Variants in HK1 observed in about 807,000 individuals in gnomAD.
HK1 encodes hexokinase-1.
A neutral mutation model predicts 91.6 loss-of-function variants in HK1; 28 were observed. The ratio of observed to expected loss-of-function variants is 0.31; its 90% confidence interval spans 0.23 to 0.42. The LOEUF (loss-of-function observed/expected upper bound fraction) is 0.42. Ranked by LOEUF, HK1 falls within the 10% of genes least tolerant of loss-of-function variation. The pLI, the probability that HK1 is intolerant of heterozygous loss-of-function variation, is 1.00. For synonymous variants in HK1, 430 were observed against 468.1 expected, an observed-to-expected ratio of 0.92 and a Z score of 1.05; for missense variants, 770 against 1,219.8, an observed-to-expected ratio of 0.63 and a Z score of 5.49.
chr10:69,322,485 G>C lies in HK1; in HGVS notation c.63+3475G>C, dbSNP rs181827315. On this transcript the variant is annotated intron_variant, in intron 1 of 17. Transcript: ENST00000359426. ...AATGGCCGAACTCAGGAGTCCTTGA[G>C]TACTTGACCCAGGAAGACAGGGGAG... is the stretch of plus-strand genomic sequence containing the variant. Among the ~76,000 whole-genome samples the C allele has an allele frequency of 2.2e-3, 331 of 152,312 alleles. 3 individuals carry two copies. The highest frequency in any genetic ancestry group is 7.8e-3 in the African/African-American group (326 of 41,560).
chr10:69,373,826 G>A (rs1191298457), intron 7 of HK1, among the ~76,000 whole-genome samples: 1 of 152,110 alleles, frequency 6.6e-6, no homozygotes, highest in African/African-American at 2.4e-5. Context: ...CTGGGCTCAG[G>A]TGATCCTCCT....
chr10:69,401,687 C>T lies in HK1; in HGVS notation c.*552C>T, dbSNP rs529131764. The T allele has an allele frequency of 1.3e-5, 4 of 297,936 alleles. No individual in the cohort carries two copies. The highest frequency in any genetic ancestry group is 1.1e-4 in the East Asian group (1 of 9,102). The allele number at this position is 297,936 out of a possible 1,614,324, so 18.5% of individuals were successfully genotyped here. Reference sequence around the variant, plus strand: ...TGTCAATGCCACAAAATCGTGTGTCCGTGGAACCAGTCCTAGCCGCGTGTG... The same window carrying T: ...TGTCAATGCCACAAAATCGTGTGTCTGTGGAACCAGTCCTAGCCGCGTGTG... On this transcript the variant is annotated 3_prime_UTR_variant, in exon 18 of 18. Transcript: ENST00000359426.
intron 5 of HK1, among the ~76,000 whole-genome samples, chr10:69,301,799 T>C (rs1360961462): frequency 1.3e-5 from 2 of 152,144 alleles, no homozygotes; most frequent in East Asian, 1.9e-4. Context: ...AATTAATATA[T>C]AGATTCAACC....
chr10:69,384,223 TCTA>T lies in HK1; in HGVS notation c.1571-109_1571-107del, dbSNP rs1839524692. Reference sequence around the variant, plus strand: ...TAAAGGGAGGAGTTGCAGCTTCTCCTCTATGTTTGCTATGGGGTTCTCCCCTTG... The same window carrying T: ...TAAAGGGAGGAGTTGCAGCTTCTCCTTGTTTGCTATGGGGTTCTCCCCTTG... On this transcript the variant is annotated intron_variant, in intron 10 of 17. Transcript: ENST00000359426. The T allele has an allele frequency of 3.0e-6, 4 of 1,316,232 alleles. No individual in the cohort carries two copies. The African/African-American group carries it at 5.8e-5, about 19-fold the overall frequency. 81.5% of individuals were successfully genotyped at this position (1,316,232 alleles called of 1,614,324 possible). A position where few individuals can be genotyped will look rare whatever the true frequency, so the allele number is the denominator to read the frequency against.
In HK1 at chr10:69,369,160, C is replaced by A; in HGVS notation, c.592-77C>A. On this transcript the variant is annotated intron_variant, in intron 5 of 17. Coordinates refer to ENST00000359426, the MANE Select transcript of HK1 (RefSeq NM_000188.3). This position sits in a 1 kb window ranked among gnomAD's most constrained non-coding sequence, Gnocchi z 4.4. ...AGGGGTTCTGAAAACGGGAGCACTTCTGCCAAGCGCTGTTAAGGTGTGTGA... is the reference window on the plus strand; with the variant it reads ...AGGGGTTCTGAAAACGGGAGCACTTATGCCAAGCGCTGTTAAGGTGTGTGA... 9.2e-7 allele frequency: 1 copy of A among 1,091,298 alleles called. No individual in the cohort carries two copies. The highest frequency in any genetic ancestry group is 1.4e-6 in the Non-Finnish European group (1 of 710,586). The allele number at this position is 1,091,298 out of a possible 1,614,324, so 67.6% of individuals were successfully genotyped here.
At chr10:69,384,711 G>A (rs1839549422) in intron 11 of HK1, 85 bp from the exon 12 acceptor site, 4 of 1,561,294 alleles carry the variant, frequency 2.6e-6, no homozygotes, top group African/African-American at 2.7e-5. Context: ...TCCTACGTGT[G>A]TGTGTGTATA....
chr10:69,294,012 C>G (rs909024040), intron 3 of HK1, among the ~76,000 whole-genome samples: 5 of 151,916 alleles, frequency 3.3e-5, no homozygotes, highest in East Asian at 3.9e-4. Context: ...CAGGCGCCCA[C>G]CACCACGCCC....
intron 1 of HK1, among the ~76,000 whole-genome samples, chr10:69,327,400 T>G (rs1239253004): frequency 6.6e-6 from 1 of 152,238 alleles, no homozygotes; most frequent in Non-Finnish European, 1.5e-5. Flanking sequence ...TTGATCTACG[T>G]AACTGTTTCA....
At chr10:69,281,930 G>C (rs1360781683) in intron 1 of HK1, among the ~76,000 whole-genome samples, 1 of 152,202 alleles carries the variant, frequency 6.6e-6, no homozygotes, top group Non-Finnish European at 1.5e-5. Context: ...TGGCCACAGA[G>C]TGGGCATTTC....
chr10:69,329,960 A>G lies in HK1; in HGVS notation c.63+10950A>G, dbSNP rs140212168. 2.7e-4 allele frequency among the ~76,000 whole-genome samples: 41 copies of G among 152,194 alleles called. No homozygotes were observed. In the East Asian group the frequency reaches 6.4e-3, roughly 24 times the overall value. On this transcript the variant is annotated intron_variant, in intron 1 of 17. Coordinates refer to ENST00000359426, the MANE Select transcript of HK1 (RefSeq NM_000188.3). ...ATGTTAGGAATTTGCCCTGTTTTTCAAATCTCCCTTTTCATTTGTCTCCCT... is the reference window on the plus strand; with the variant it reads ...ATGTTAGGAATTTGCCCTGTTTTTCGAATCTCCCTTTTCATTTGTCTCCCT...
At chr10:69,358,190 C>T (rs932964295) in intron 2 of HK1, among the ~76,000 whole-genome samples, 1 of 152,134 alleles carries the variant, frequency 6.6e-6, no homozygotes, top group Non-Finnish European at 1.5e-5. Flanking sequence ...GGGGATGTCA[C>T]CTTAGCATCA....
chr10:69,372,114 C>T (rs556116981), intron 7 of HK1, among the ~76,000 whole-genome samples: 1 of 152,276 alleles, frequency 6.6e-6, no homozygotes, highest in Non-Finnish European at 1.5e-5. Flanking sequence ...AGGGGAACTC[C>T]TCTTTATAAA....
In HK1 at chr10:69,398,786, T is replaced by C. The variant is rs558749693; in HGVS notation, c.2567T>C (p.Val856Ala). The stretch of plus-strand genomic sequence containing the variant: ...AACAGAGGACTGGACCGTCTGAATG[T>C]GACTGTGGGAGTGGACGGGACACTC... ...RENRGLDRLN[V>A]TVGVDGTLYK... is the part of the protein sequence containing the mutation. The change falls in exon 17 of 18, where the codon GTG (valine) becomes GCG (alanine). Residue 856 changes from valine to alanine, a missense_variant. Around this residue, in one of 7 missense-constraint regions of HK1, gnomAD observed 78 missense variants for 99.0 expected, o/e 0.79. Coordinates refer to ENST00000359426, the MANE Select transcript of HK1 (RefSeq NM_000188.3). The C allele has an allele frequency of 6.2e-7, 1 of 1,613,960 alleles. No homozygotes were observed. Among genetic ancestry groups the C allele is most frequent in the East Asian group, 2.2e-5 (1 of 44,882 alleles).
rs192148871 is a variant in HK1, at chr10:69,395,791, A to T, written c.2375+686A>T. 1.7e-3 allele frequency among the ~76,000 whole-genome samples: 265 copies of T among 152,264 alleles called. 3 individuals carry two copies. The highest frequency in any genetic ancestry group is 6.1e-3 in the African/African-American group (252 of 41,548). On this transcript the variant is annotated intron_variant, in intron 16 of 17. Coordinates refer to ENST00000359426, the MANE Select transcript of HK1 (RefSeq NM_000188.3). ...GGGGTTCAGTGCCAGGCCACCCAGG[A>T]GCTGATGCCCCTCAGCAAGTTGTTC...
chr10:69,288,003 G>T (rs956135493), intron 2 of HK1, among the ~76,000 whole-genome samples: 1 of 151,746 alleles, frequency 6.6e-6, no homozygotes, highest in East Asian at 1.9e-4. Context: ...TAAAAATTAG[G>T]CTGGCATGGT....
chr10:69,282,318 A>G (rs997872308), intron 1 of HK1, among the ~76,000 whole-genome samples: 3 of 152,086 alleles, frequency 2.0e-5, no homozygotes, highest in African/African-American at 7.2e-5. Flanking sequence ...AAGGTTTCTG[A>G]GGTCTCAATG....
chr10:69,270,399 G>A (rs1443641709), intron 1 of HK1, among the ~76,000 whole-genome samples: 1 of 152,054 alleles, frequency 6.6e-6, no homozygotes, highest in Admixed American at 6.6e-5. Context: ...TGGCCAACAT[G>A]GTGAAACCTC....
chr10:69,318,141 G>T (rs1638739136), upstream of HK1: 1 of 985,434 alleles, frequency 1.0e-6, no homozygotes. Context: ...CGGGTGCTCT[G>T]GGGTGTCGCT....
At chr10:69,360,066 G>T (rs772939284) in intron 3 of HK1, 21 bp downstream of exon 3, 1 of 1,612,788 alleles carries the variant, frequency 6.2e-7, no homozygotes, top group East Asian at 2.2e-5. Flanking sequence ...GCTCCCTCCG[G>T]GTCACCCCGT....
Sources: allele counts gnomAD v4.1 joint callset (sites outside exome capture counted in the v4.1 genomes callset), GRCh38; gene constraint gnomAD v4.1.1; regional missense constraint gnomAD v4.1.1; non-coding constraint Gnocchi (gnomAD v3.1); transcripts MANE v1.5; gene names NCBI Gene and HGNC (gene_info 2026-07-23, HGNC 2026-07-21).